The following RALYL variants were observed in gnomAD, a reference collection of about 807,000 sequenced individuals.
RALYL encodes RNA-binding Raly-like protein.
Under a neutral mutation model 35.1 loss-of-function variants are expected in RALYL, and 29 were observed. The observed-to-expected ratio is 0.83, with a 90% CI of 0.61 to 1.13. The LOEUF is 1.13. RALYL is among the 50% of genes most tolerant of loss of function. The probability of loss-of-function intolerance (pLI) is 0.00; values close to 1 mark genes in which losing one functional copy is unlikely to be tolerated. For missense variants in RALYL, 359 were observed against 360.4 expected (o/e 1.00, Z 0.03); for synonymous variants, 120 against 127.6 (o/e 0.94, Z 0.40).
At chr8:84,248,405 G>A (rs555876691) in intron 1 of RALYL, among the ~76,000 whole-genome samples, 11 of 152,084 alleles carry the variant, frequency 7.2e-5, no homozygotes, top group Non-Finnish European at 8.8e-5. Flanking sequence ...CCAAGGGATA[G>A]CACTTGATGT....
intron 1 of RALYL, among the ~76,000 whole-genome samples, chr8:84,398,952 C>T (rs978049123): frequency 7.6e-6 from 1 of 131,904 alleles, no homozygotes; most frequent in African/African-American, 2.9e-5. Context: ...TCAGCCTGGG[C>T]AATAGAGTGA....
chr8:84,408,329 A>G (rs945902327), intron 1 of RALYL, among the ~76,000 whole-genome samples: 3 of 152,178 alleles, frequency 2.0e-5, no homozygotes, highest in African/African-American at 7.2e-5. Context: ...TACTTAGAAA[A>G]AAACCTAGCA....
At chr8:84,645,940 C>A (rs1246038810) in intron 2 of RALYL, among the ~76,000 whole-genome samples, 3 of 152,078 alleles carry the variant, frequency 2.0e-5, no homozygotes, top group Non-Finnish European at 4.4e-5. Flanking sequence ...AATAGTTTTA[C>A]TTGAGTATGG....
chr8:84,237,582 C>A (rs1327330350), intron 1 of RALYL, among the ~76,000 whole-genome samples: 53 of 152,038 alleles, frequency 3.5e-4, no homozygotes, highest in Non-Finnish European at 2.9e-5. Flanking sequence ...ACAACAACAA[C>A]AATAAAATTC....
At chr8:84,435,866 A>G (rs2047656200) in intron 1 of RALYL, among the ~76,000 whole-genome samples, 1 of 152,136 alleles carries the variant, frequency 6.6e-6, no homozygotes, top group Admixed American at 6.6e-5. Context: ...CTCTAGATTT[A>G]CTCAGAGCTG....
intron 1 of RALYL, among the ~76,000 whole-genome samples, chr8:84,398,652 G>T (rs1326145233): frequency 6.6e-6 from 1 of 151,994 alleles, no homozygotes; most frequent in Non-Finnish European, 1.5e-5. Context: ...TGGAACTTAA[G>T]AATTGGTTCA....
At chr8:84,372,891 T>TTTTGTTTTGTTTTGTTTTG (rs1415267299) in intron 1 of RALYL, among the ~76,000 whole-genome samples, 3 of 116,726 alleles carry the variant, frequency 2.6e-5, no homozygotes, top group African/African-American at 1.1e-4. Context: ...CATCTGTTTT[T>TTTTGTTTTGTTTTGTTTTG]TTTTTTTTTT....
intron 1 of RALYL, among the ~76,000 whole-genome samples, chr8:84,289,004 TGGGAAGAC>T (rs1838228895): frequency 6.6e-6 from 1 of 151,868 alleles, no homozygotes; most frequent in Non-Finnish European, 1.5e-5. Flanking sequence ...AAACAAAGGG[TGGGAAGAC>T]TTTTAAGCGC....
chr8:84,544,382 T>C lies in RALYL; in HGVS notation c.256+14805T>C, dbSNP rs185591844. Among the ~76,000 whole-genome samples, 23 of 152,170 alleles carry C rather than the reference T, an allele frequency of 1.5e-4. 1 individual carries two copies. In the East Asian group the frequency reaches 3.3e-3, roughly 22 times the overall value. ...ATTTTTCTATCTACATACTCTCCAT[T>C]TTAGATAAATCATGATGTGTTAAAC... On this transcript the variant is annotated intron_variant, in intron 2 of 8. Transcript: ENST00000521268.
intron 8 of RALYL, among the ~76,000 whole-genome samples, chr8:84,899,411 A>G (rs1440633854): frequency 6.6e-6 from 1 of 152,002 alleles, no homozygotes; most frequent in African/African-American, 2.4e-5. Context: ...GTTAATGTTC[A>G]TAAATATCTG....
At chr8:84,805,714 A>G (rs34369797) in intron 4 of RALYL, among the ~76,000 whole-genome samples, 1 of 152,116 alleles carries the variant, frequency 6.6e-6, no homozygotes, top group Non-Finnish European at 1.5e-5. Context: ...TAAAATAATA[A>G]CAATAATATG....
At chr8:84,458,394 CAT>C (rs2050379585) in intron 1 of RALYL, among the ~76,000 whole-genome samples, 1 of 151,770 alleles carries the variant, frequency 6.6e-6, no homozygotes, top group Non-Finnish European at 1.5e-5. Context: ...CTTTTCAACA[CAT>C]GTTTTAAAGA....
At chr8:84,186,600 A>G (rs1263021130) in intron 1 of RALYL, among the ~76,000 whole-genome samples, 4 of 152,170 alleles carry the variant, frequency 2.6e-5, no homozygotes, top group Admixed American at 2.6e-4. Flanking sequence ...GATTGGGCAA[A>G]GCACTAGCTG....
At chr8:84,357,556 C>T (rs1852091822) in intron 1 of RALYL, among the ~76,000 whole-genome samples, 1 of 151,756 alleles carries the variant, frequency 6.6e-6, no homozygotes, top group Admixed American at 6.6e-5. Flanking sequence ...CTAGTGATTT[C>T]AAAGTGAATT....
chr8:84,449,891 A>AT (rs1246358772), intron 1 of RALYL, among the ~76,000 whole-genome samples: 4 of 151,832 alleles, frequency 2.6e-5, no homozygotes, highest in Non-Finnish European at 4.4e-5. Context: ...CATTTACCAC[A>AT]TTTTTTGCAA....
At chr8:84,347,118 T>G (rs1849980004) in intron 1 of RALYL, among the ~76,000 whole-genome samples, 1 of 151,948 alleles carries the variant, frequency 6.6e-6, no homozygotes, top group African/African-American at 2.4e-5. Context: ...GGAGAATCAC[T>G]TGAACCTGGG....
At chr8:84,385,652 A>T (rs181384766) in intron 1 of RALYL, among the ~76,000 whole-genome samples, 20 of 151,426 alleles carry the variant, frequency 1.3e-4, no homozygotes, top group African/African-American at 4.8e-4. Flanking sequence ...CTCAAGATTG[A>T]CTCTCTTTGT....
Position 84,887,790 on chromosome 8 carries a change from A to G in RALYL, c.858+14A>G. The stretch of plus-strand genomic sequence containing the variant: ...GGTCATGAGCTGGTAGGAAAGAAAC[A>G]TTTGGTATTCACACCCTTTGGGTAA... On this transcript the variant is annotated intron_variant, in intron 8 of 8. Transcript: ENST00000521268. The G allele has an allele frequency of 6.2e-7, 1 of 1,607,046 alleles. No homozygotes were observed. Among genetic ancestry groups the G allele is most frequent in the Non-Finnish European group, 8.5e-7 (1 of 1,176,722 alleles).
intron 5 of RALYL, 100 bp downstream of exon 5, chr8:84,850,127 C>A (rs1835534859): frequency 3.6e-6 from 2 of 560,148 alleles, no homozygotes; most frequent in Non-Finnish European, 6.1e-6. Flanking sequence ...GTATTTAAAA[C>A]AATATTATTA....
Sources: gnomAD v4.1 joint callset for allele counts (sites outside exome capture counted in the v4.1 genomes callset) on GRCh38, gnomAD v4.1.1 for gene constraint, MANE v1.5 for transcripts, NCBI Gene and HGNC (gene_info 2026-07-23, HGNC 2026-07-21) for gene names.